CCDC83: variants seen among roughly 807,000 people sequenced by gnomAD.
CCDC83 encodes the protein coiled-coil domain-containing protein 83.
Under a neutral mutation model 50.1 loss-of-function variants are expected in CCDC83, and 54 were observed. The observed-to-expected ratio is 1.08, with a 90% CI of 0.87 to 1.35. CCDC83 has a LOEUF of 1.35. Ranked by LOEUF, CCDC83 falls within the 40% of genes most tolerant of loss-of-function variation. CCDC83 has a pLI of 0.00. For synonymous variants in CCDC83, 161 were observed against 153.3 expected (o/e 1.05, Z -0.37); for missense variants, 518 against 473.9 (o/e 1.09, Z -0.86).
chr11:85,913,673 T>C (rs1347415684), intron 8 of CCDC83, among the ~76,000 whole-genome samples: 1 of 152,176 alleles, frequency 6.6e-6, no homozygotes, highest in Non-Finnish European at 1.5e-5. Flanking sequence ...ACATTTCCTA[T>C]GTAGTTACTC....
Position 85,893,846 on chromosome 11 carries a change from CACAAGG to C in CCDC83, c.512-1443_512-1438del, listed in dbSNP as rs543468142. Among the ~76,000 whole-genome samples the C allele has an allele frequency of 7.6e-4, 116 of 152,228 alleles. 1 individual carries two copies. The highest frequency in any genetic ancestry group is 2.7e-3 in the African/African-American group (111 of 41,558). On this transcript the variant is annotated intron_variant, in intron 5 of 10. Transcript: ENST00000342404. ...ACCATCTATAACCAAGAAAACATAT[CACAAGG>C]ACAGGGTTTTTTTCTGTCTTAACCA...
chr11:85,890,696 A>G (rs2093347221), intron 5 of CCDC83, among the ~76,000 whole-genome samples: 1 of 152,178 alleles, frequency 6.6e-6, no homozygotes, highest in Non-Finnish European at 1.5e-5. Context: ...ACCGTTTTCC[A>G]TGTTTCCCTC....
At chr11:85,898,664 T>C (rs979071209) in intron 6 of CCDC83, among the ~76,000 whole-genome samples, 5 of 152,206 alleles carry the variant, frequency 3.3e-5, no homozygotes, top group Non-Finnish European at 1.5e-5. Flanking sequence ...TGAAACATGA[T>C]TTCACCATAG....
At chr11:85,882,960 C>G (rs2093308837) in intron 4 of CCDC83, among the ~76,000 whole-genome samples, 1 of 152,002 alleles carries the variant, frequency 6.6e-6, no homozygotes, top group South Asian at 2.1e-4. Context: ...TTCAGTCACC[C>G]AGGCTGGAGT....
At chr11:85,873,024 GT>G (rs2093248271) in intron 2 of CCDC83, among the ~76,000 whole-genome samples, 186 bp from the exon 3 acceptor site, 1 of 151,260 alleles carries the variant, frequency 6.6e-6, no homozygotes, top group South Asian at 2.1e-4. Context: ...CAACTTTGAA[GT>G]TTTCTCTCCA....
intron 8 of CCDC83, among the ~76,000 whole-genome samples, chr11:85,911,961 T>C (rs2093456574): frequency 6.6e-6 from 1 of 152,108 alleles, no homozygotes; most frequent in Admixed American, 6.5e-5. Flanking sequence ...GCTGTCTTCC[T>C]TATCTGACAA....
Position 85,916,065 on chromosome 11 carries a change from T to C in CCDC83, c.912T>C (p.Ser304=), listed in dbSNP as rs7927222. The change falls in exon 10 of 11, where the codon AGT becomes AGC. Residue 304 remains serine, a synonymous_variant. Transcript: ENST00000342404. ...KSELQPTEVE[S]RDLMSSSDES... ...AATTGCAACCCACAGAAGTAGAAAG[T>C]AGAGACTTGATGTCCTCATCAGATG... is the stretch of plus-strand genomic sequence containing the variant. 0.23 allele frequency: 370,988 copies of C among 1,610,480 alleles called. 46,725 individuals carry two copies. The highest frequency in any genetic ancestry group is 0.26 in the Non-Finnish European group (301,954 of 1,177,428).
chr11:85,875,364 G>A (rs964020195), intron 3 of CCDC83, among the ~76,000 whole-genome samples: 1 of 152,206 alleles, frequency 6.6e-6, no homozygotes. Context: ...ACTGGGGACC[G>A]GCCCCATCTG....
intron 1 of CCDC83, among the ~76,000 whole-genome samples, chr11:85,863,052 G>GGTCATTTTTCCTC (rs2093186718): frequency 6.6e-6 from 1 of 152,212 alleles, no homozygotes; most frequent in Non-Finnish European, 1.5e-5. Flanking sequence ...AGGTAATTGA[G>GGTCATTTTTCCTC]CAGGATGAGG....
chr11:85,903,854 C>A (rs1284013335), intron 7 of CCDC83, among the ~76,000 whole-genome samples: 1 of 152,106 alleles, frequency 6.6e-6, no homozygotes, highest in Admixed American at 6.5e-5. Flanking sequence ...GTAGTCCCTG[C>A]TACTTGGGAG....
At chr11:85,857,383 GC>G in intron 1 of CCDC83, among the ~76,000 whole-genome samples, 1 of 152,208 alleles carries the variant, frequency 6.6e-6, no homozygotes. Flanking sequence ...CCAGTTGTAC[GC>G]CTGGAAGGGC....
intron 7 of CCDC83, 55 bp from the exon 8 acceptor site, chr11:85,911,226 C>T: frequency 1.2e-5 from 13 of 1,129,416 alleles, no homozygotes; most frequent in Non-Finnish European, 1.5e-5. Flanking sequence ...GAAAAGAAAA[C>T]TTAATAGAAC....
intron 8 of CCDC83, among the ~76,000 whole-genome samples, chr11:85,914,967 C>T (rs899293158): frequency 1.3e-5 from 2 of 152,196 alleles, no homozygotes; most frequent in African/African-American, 4.8e-5. Flanking sequence ...TATCAGATCT[C>T]ATGGGAACTC....
Position 85,886,223 on chromosome 11 carries a change from G to C in CCDC83, c.367G>C (p.Ala123Pro), listed in dbSNP as rs1236468058. 1 of 1,595,132 alleles carries C rather than the reference G, an allele frequency of 6.3e-7. No individual in the cohort carries two copies. The highest frequency in any genetic ancestry group is 8.5e-7 in the Non-Finnish European group (1 of 1,173,228). Residue 123 changes from alanine (A) to proline (P), a missense_variant, in exon 5 of 11, where the codon GCT (alanine) becomes CCT (proline). By Grantham distance (27) the Ala-to-Pro change is conservative. Coordinates refer to ENST00000342404, the MANE Select transcript of CCDC83 (RefSeq NM_001286159.2). ...AGATATGCGCATGCAAATAAGTAAT[G>C]CTGAGAAACTATTTCTTGAGAAACT... is the stretch of plus-strand genomic sequence containing the variant. The part of the protein sequence containing the change: ...LRDMRMQISN[A>P]EKLFLEKLSE...
At chr11:85,878,332 C>A (rs1358907062) in intron 3 of CCDC83, among the ~76,000 whole-genome samples, 1 of 152,234 alleles carries the variant, frequency 6.6e-6, no homozygotes, top group African/African-American at 2.4e-5. Context: ...GCCACTCACT[C>A]CCCTCCCAGT....
chr11:85,894,453 G>T (rs942812663), intron 5 of CCDC83, among the ~76,000 whole-genome samples: 13 of 152,114 alleles, frequency 8.5e-5, no homozygotes, highest in African/African-American at 2.9e-4. Flanking sequence ...AACTCGTTTG[G>T]AGTAGTACAG....
intron 2 of CCDC83, among the ~76,000 whole-genome samples, chr11:85,870,329 C>T (rs2093229859): frequency 6.6e-6 from 1 of 152,138 alleles, no homozygotes; most frequent in Non-Finnish European, 1.5e-5. Context: ...TCAGTTTAAC[C>T]AATGAAGACC....
chr11:85,864,933 T>C (rs1008481093), intron 1 of CCDC83, among the ~76,000 whole-genome samples, 163 bp from the exon 2 acceptor site: 1 of 152,178 alleles, frequency 6.6e-6, no homozygotes, highest in Non-Finnish European at 1.5e-5. Context: ...AATCCAATCA[T>C]TTCATGATGT....
intron 5 of CCDC83, among the ~76,000 whole-genome samples, chr11:85,888,344 GA>G (rs1245911540): frequency 1.3e-5 from 2 of 152,090 alleles, no homozygotes; most frequent in Non-Finnish European, 2.9e-5. Flanking sequence ...CTTATGGGTC[GA>G]AAATGGTATC....
Sources: gnomAD v4.1 joint callset for allele counts (sites outside exome capture counted in the v4.1 genomes callset) on GRCh38, gnomAD v4.1.1 for gene constraint, MANE v1.5 for transcripts, NCBI Gene and HGNC (gene_info 2026-07-23, HGNC 2026-07-21) for gene names.